MORN1: variants seen among roughly 807,000 people sequenced by gnomAD.
The protein encoded by MORN1 is MORN repeat containing 1, also known as MORN repeat-containing protein 1.
A neutral mutation model predicts 61.9 loss-of-function variants in MORN1; 67 were observed. The ratio of observed to expected loss-of-function variants is 1.08; its 90% CI spans 0.89 to 1.33. MORN1 has a LOEUF of 1.33. Ranked by LOEUF, MORN1 falls within the 40% of genes most tolerant of loss-of-function variation. MORN1 has a pLI of 0.00. For missense variants in MORN1, 752 were observed against 691.2 expected, an observed-to-expected ratio of 1.09 and a Z score of -0.99; for synonymous variants, 301 against 292.0, an observed-to-expected ratio of 1.03 and a Z score of -0.31.
At position 2,356,912 on chromosome 1, in the gene MORN1, G is replaced by A. The variant is rs188245271; in HGVS notation, c.1036+520C>T. Among the ~76,000 whole-genome samples the A allele has an allele frequency of 1.3e-3, 203 of 152,338 alleles. 1 individual carries two copies. Among genetic ancestry groups the A allele is most frequent in the African/African-American group, 4.3e-3 (180 of 41,572 alleles). ...ACTGGCCCCAGCCTTGGGGGGCAGA[G>A]TTGGGGGCTGGGGGGTTCTGCCGGA... On this transcript the variant is annotated intron_variant, in intron 10 of 13. Coordinates refer to ENST00000378531, the MANE Select transcript of MORN1 (RefSeq NM_024848.3).
intron 10 of MORN1, among the ~76,000 whole-genome samples, chr1:2,346,273 C>T (rs1569958181): frequency 6.6e-6 from 1 of 152,220 alleles, no homozygotes; most frequent in East Asian, 1.9e-4. Context: ...CAGGGAAAGG[C>T]CCCGGAAGGT....
intron 12 of MORN1, among the ~76,000 whole-genome samples, chr1:2,324,556 C>T (rs776028624): frequency 6.6e-5 from 10 of 152,258 alleles, no homozygotes; most frequent in South Asian, 2.1e-4. Context: ...GACTTAGGAG[C>T]GGCGGAAGTC....
intron 8 of MORN1, among the ~76,000 whole-genome samples, chr1:2,367,988 G>A (rs1168543142): frequency 6.6e-6 from 1 of 152,166 alleles, no homozygotes; most frequent in Non-Finnish European, 1.5e-5. Context: ...TCCAGACTAA[G>A]CAAAGTCTTC....
At chr1:2,343,027 G>A (rs953629918) in intron 10 of MORN1, among the ~76,000 whole-genome samples, 1 of 151,814 alleles carries the variant, frequency 6.6e-6, no homozygotes, top group African/African-American at 2.4e-5. Context: ...GCGTGGCCCC[G>A]CGCCAGCTCC....
intron 12 of MORN1, among the ~76,000 whole-genome samples, chr1:2,329,965 AGGGAGCTCCGGGTGAGGG>A (rs1262322250): frequency 5.3e-5 from 8 of 152,046 alleles, no homozygotes; most frequent in Non-Finnish European, 8.8e-5. Flanking sequence ...AGAGGACTAG[AGGGAGCTCCGGGTGAGGG>A]GGGAGCTCCG....
intron 1 of MORN1, among the ~76,000 whole-genome samples, chr1:2,390,932 GACCGGGTTTC>G (rs1225287667): frequency 1.3e-5 from 2 of 152,142 alleles, no homozygotes; most frequent in African/African-American, 4.8e-5. Flanking sequence ...TTTTAGTAGA[GACCGGGTTTC>G]GCCATGTTGG....
chr1:2,345,614 G>C (rs891087565), intron 10 of MORN1, among the ~76,000 whole-genome samples: 4 of 152,172 alleles, frequency 2.6e-5, no homozygotes, highest in African/African-American at 9.7e-5. Context: ...AGACGGAGAC[G>C]AAGGCACCCT....
At chr1:2,328,477 T>A (rs540993619) in intron 12 of MORN1, among the ~76,000 whole-genome samples, 4 of 152,220 alleles carry the variant, frequency 2.6e-5, no homozygotes, top group Non-Finnish European at 5.9e-5. Flanking sequence ...CGGGAGCCAG[T>A]GAGGCAAGAG....
intron 13 of MORN1, chr1:2,323,144 G>A (rs1202763022): frequency 6.1e-6 from 6 of 985,312 alleles, no homozygotes; most frequent in African/African-American, 5.2e-5. Context: ...TGGCTGGGAC[G>A]CGGTGGACCG....
chr1:2,330,593 T>C (rs1291990232), intron 12 of MORN1, among the ~76,000 whole-genome samples: 1 of 152,142 alleles, frequency 6.6e-6, no homozygotes, highest in Non-Finnish European at 1.5e-5. Context: ...ATTGACTCCA[T>C]CTGTGTTGGC....
intron 10 of MORN1, among the ~76,000 whole-genome samples, chr1:2,355,964 G>A (rs183456582): frequency 1.8e-4 from 28 of 152,342 alleles, no homozygotes; most frequent in African/African-American, 6.5e-4. Context: ...GGGGGGTCCA[G>A]GCCAAGGCTC....
At chr1:2,387,308 C>T (rs1460662457) in intron 4 of MORN1, 111 bp downstream of exon 4, 3 of 809,262 alleles carry the variant, frequency 3.7e-6, no homozygotes, top group Non-Finnish European at 6.4e-6. Flanking sequence ...CCTTTCCAAC[C>T]CTCTGAAGTC....
Position 2,372,389 on chromosome 1 carries a change from T to C in MORN1, c.745+92A>G. The C allele has an allele frequency of 2.0e-6, 2 of 984,640 alleles. No homozygotes were observed. The highest frequency in any genetic ancestry group is 2.1e-4 in the Middle Eastern group (1 of 4,678). The allele number at this position is 984,640 out of a possible 1,614,324, so 61.0% of individuals were successfully genotyped here. On this transcript the variant is annotated intron_variant, in intron 8 of 13. Transcript: ENST00000378531. The surrounding 1 kb of genome is among the most constrained non-coding windows in gnomAD (Gnocchi z 5.4). ...TCACTGCTGTGCCTCAGGAGCCACA[T>C]GCAACATCTCGTCCGCATCTTCACT...
chr1:2,351,412 G>T, intron 10 of MORN1: 1 of 159,178 alleles, frequency 6.3e-6, no homozygotes, highest in South Asian at 1.7e-4. Flanking sequence ...TCAGGTCCTT[G>T]CCCGCCAGCC....
At position 2,387,598 on chromosome 1, in the gene MORN1, T is replaced by C. The variant is rs1240327699; in HGVS notation, c.248-69A>G. The C allele has an allele frequency of 3.5e-6, 4 of 1,129,422 alleles. No individual in the cohort carries two copies. In the East Asian group the frequency reaches 9.4e-5, roughly 27 times the overall value. 70.0% of individuals were successfully genotyped at this position (1,129,422 alleles called of 1,614,324 possible). ...GGGCTGCGGCCCCAGTCGGCTCTCC[T>C]CTGTCCCTGGCCCATGACACGCAGG... On this transcript the variant is annotated intron_variant, in intron 3 of 13. Transcript: ENST00000378531.
At chr1:2,365,485 C>A (rs960535906) in intron 8 of MORN1, among the ~76,000 whole-genome samples, 1 of 146,610 alleles carries the variant, frequency 6.8e-6, no homozygotes, top group African/African-American at 2.5e-5. Context: ...TCTAGATATA[C>A]AATCATGTCA....
At chr1:2,356,585 C>A (rs992140818) in intron 10 of MORN1, among the ~76,000 whole-genome samples, 1 of 152,148 alleles carries the variant, frequency 6.6e-6, no homozygotes, top group Admixed American at 6.5e-5. Context: ...CCAGTGGGGA[C>A]CCCCACGCCC....
In MORN1 at chr1:2,337,139, G is replaced by A. The variant is rs1217998725; in HGVS notation, c.1037-289C>T. On this transcript the variant is annotated intron_variant, in intron 10 of 13. Coordinates refer to ENST00000378531, the MANE Select transcript of MORN1 (RefSeq NM_024848.3). The surrounding 1 kb of genome is among the most constrained non-coding windows in gnomAD (Gnocchi z 5.7). ...GGAGCCCAGCGCTTTGCAGTGGGAAGGGTCTCCCATCAGCAGCCCCCGTCA... is the reference window on the plus strand; with the variant it reads ...GGAGCCCAGCGCTTTGCAGTGGGAAAGGTCTCCCATCAGCAGCCCCCGTCA... 6.6e-6 allele frequency among the ~76,000 whole-genome samples: 1 copy of A among 152,170 alleles called. No individual in the cohort carries two copies. The highest frequency in any genetic ancestry group is 2.4e-5 in the African/African-American group (1 of 41,434).
intron 10 of MORN1, among the ~76,000 whole-genome samples, chr1:2,339,459 C>T (rs567240315): frequency 2.0e-5 from 3 of 152,294 alleles, no homozygotes; most frequent in East Asian, 1.9e-4. Context: ...TTCCCGAGGC[C>T]GGCACCGCAC....
Sources: gnomAD v4.1 joint callset for allele counts (sites outside exome capture counted in the v4.1 genomes callset) on GRCh38, gnomAD v4.1.1 for gene constraint, Gnocchi (gnomAD v3.1) non-coding constraint, MANE v1.5 for transcripts, NCBI Gene and HGNC (gene_info 2026-07-23, HGNC 2026-07-21) for gene names.